NRXN3: variants seen among roughly 807,000 people sequenced by gnomAD.
NRXN3 encodes the protein neurexin III.
In NRXN3, 32 loss-of-function variants were observed where a neutral mutation model predicts 137.6. That is an observed-to-expected ratio of 0.23 (90% CI 0.18 to 0.31). The LOEUF is 0.31. NRXN3 is among the 10% of genes least tolerant of loss of function. The pLI is 1.00. For synonymous variants in NRXN3, 798 were observed against 784.5 expected, an observed-to-expected ratio of 1.02 and a Z score of -0.29; for missense variants, 1,574 against 2,062.5, an observed-to-expected ratio of 0.76 and a Z score of 4.59.
chr14:78,433,950 G>A (rs905701778), intron 4 of NRXN3, among the ~76,000 whole-genome samples: 1 of 150,978 alleles, frequency 6.6e-6, no homozygotes, highest in Non-Finnish European at 1.5e-5. Flanking sequence ...CCCATGGTAA[G>A]TTGAAAATAT....
chr14:78,472,425 T>A (rs2095292610), intron 4 of NRXN3, among the ~76,000 whole-genome samples: 1 of 152,200 alleles, frequency 6.6e-6, no homozygotes, highest in Non-Finnish European at 1.5e-5. Flanking sequence ...TTGCTACCTA[T>A]CCTCTCTACC....
intron 19 of NRXN3, among the ~76,000 whole-genome samples, chr14:79,712,427 T>C (rs374306239): frequency 6.6e-6 from 1 of 152,228 alleles, no homozygotes; most frequent in African/African-American, 2.4e-5. Flanking sequence ...TAATATCGCC[T>C]ATTGAAAACA....
chr14:79,286,663 C>T (rs895864704), intron 15 of NRXN3, among the ~76,000 whole-genome samples: 9 of 151,290 alleles, frequency 5.9e-5, no homozygotes, highest in African/African-American at 1.9e-4. Flanking sequence ...GCTCAAAATG[C>T]GTGCTGATGT....
intron 6 of NRXN3, among the ~76,000 whole-genome samples, chr14:78,665,101 G>T (rs967164727): frequency 6.6e-6 from 1 of 152,118 alleles, no homozygotes; most frequent in Non-Finnish European, 1.5e-5. Context: ...TTCACATTAC[G>T]GTTGAAGGAG....
chr14:79,436,056 C>T (rs984599437), intron 15 of NRXN3, among the ~76,000 whole-genome samples: 3 of 152,152 alleles, frequency 2.0e-5, no homozygotes, highest in Non-Finnish European at 4.4e-5. Context: ...CTGACCACTG[C>T]CTCCATGTGT....
intron 16 of NRXN3, among the ~76,000 whole-genome samples, chr14:79,504,532 A>T (rs547743024): frequency 5.3e-5 from 8 of 150,986 alleles, no homozygotes; most frequent in Non-Finnish European, 1.2e-4. Context: ...ATATTACTAC[A>T]AGTTAGATTT....
intron 15 of NRXN3, among the ~76,000 whole-genome samples, chr14:79,389,497 A>G (rs2094766088): frequency 6.6e-6 from 1 of 152,186 alleles, no homozygotes; most frequent in South Asian, 2.1e-4. Context: ...TAGGTTTCCA[A>G]TACATACCTT....
At chr14:79,280,244 C>G in intron 15 of NRXN3, 1 of 1,608,204 alleles carries the variant, frequency 6.2e-7, no homozygotes, top group Non-Finnish European at 8.5e-7. Context: ...TTACTCCTCA[C>G]TGGCTGGAAT....
At chr14:78,261,646 C>T (rs1015457820) in intron 2 of NRXN3, among the ~76,000 whole-genome samples, 7 of 152,044 alleles carry the variant, frequency 4.6e-5, no homozygotes, top group Non-Finnish European at 1.0e-4. Flanking sequence ...ATATATTTCC[C>T]CAACTCATGC....
chr14:78,578,785 A>G (rs2096962287), intron 4 of NRXN3, among the ~76,000 whole-genome samples: 1 of 152,124 alleles, frequency 6.6e-6, no homozygotes, highest in African/African-American at 2.4e-5. Flanking sequence ...AGACACTGAG[A>G]AATGAACGTG....
chr14:78,497,582 T>TCATCCATCCATCCATCCATC (rs3036594), intron 4 of NRXN3, among the ~76,000 whole-genome samples: 1 of 150,792 alleles, frequency 6.6e-6, no homozygotes, highest in Non-Finnish European at 1.5e-5. Flanking sequence ...GTCTGTCCAT[T>TCATCCATCCATCCATCCATC]CATCCATCCA....
At chr14:79,525,129 A>G (rs1283745923) in intron 16 of NRXN3, among the ~76,000 whole-genome samples, 3 of 152,152 alleles carry the variant, frequency 2.0e-5, no homozygotes, top group African/African-American at 7.2e-5. Context: ...GAGGGATCCT[A>G]GTTTCTATGG....
chr14:79,694,352 T>A (rs1265840173), intron 18 of NRXN3, among the ~76,000 whole-genome samples: 1 of 152,086 alleles, frequency 6.6e-6, no homozygotes, highest in Non-Finnish European at 1.5e-5. Context: ...TTAAGCAGTA[T>A]GTGAACTTGA....
chr14:78,802,901 AC>A (rs1184087183), intron 8 of NRXN3, among the ~76,000 whole-genome samples: 27 of 152,188 alleles, frequency 1.8e-4, no homozygotes, highest in Non-Finnish European at 3.7e-4. Context: ...AGCGAAGATC[AC>A]ACTGCTGCAC....
intron 4 of NRXN3, among the ~76,000 whole-genome samples, chr14:78,616,363 C>G (rs1012006903): frequency 6.6e-6 from 1 of 152,194 alleles, no homozygotes; most frequent in African/African-American, 2.4e-5. Flanking sequence ...TCTCCCTCCC[C>G]TCCCAAAGGC....
intron 15 of NRXN3, among the ~76,000 whole-genome samples, chr14:79,105,642 A>G (rs2152860049): frequency 6.6e-6 from 1 of 152,226 alleles, no homozygotes; most frequent in East Asian, 1.9e-4. Flanking sequence ...GGCAGAGCTG[A>G]GCAAACATAA....
At chr14:78,873,283 C>T (rs1425127084) in intron 10 of NRXN3, among the ~76,000 whole-genome samples, 9 of 152,190 alleles carry the variant, frequency 5.9e-5, no homozygotes, top group Non-Finnish European at 1.2e-4. Flanking sequence ...CATCCAGTCT[C>T]TTTTGCTACT....
chr14:79,004,535 C>T (rs192827662), intron 15 of NRXN3, among the ~76,000 whole-genome samples: 134 of 152,316 alleles, frequency 8.8e-4, no homozygotes, highest in Non-Finnish European at 1.5e-3. Flanking sequence ...TGAGCTACTC[C>T]ACCCAGCCAA....
intron 15 of NRXN3, among the ~76,000 whole-genome samples, chr14:79,361,863 G>A (rs1028006586): frequency 5.3e-5 from 8 of 152,028 alleles, no homozygotes; most frequent in African/African-American, 1.9e-4. Flanking sequence ...GAATGGGAGG[G>A]CTAACAACTC....
Sources: gnomAD v4.1 joint callset for allele counts (sites outside exome capture counted in the v4.1 genomes callset) on GRCh38, gnomAD v4.1.1 for gene constraint, MANE v1.5 for transcripts, NCBI Gene and HGNC (gene_info 2026-07-23, HGNC 2026-07-21) for gene names.